Variants in LAMP2 observed in about 807,000 individuals in gnomAD.
The protein encoded by LAMP2 is lysosome associated membrane protein 2.
LAMP2 carries 4 observed loss-of-function variants against 25.6 expected under a neutral mutation model. The ratio of observed to expected loss-of-function variants is 0.16; its 90% CI spans 0.08 to 0.36. The LOEUF (loss-of-function observed/expected upper bound fraction) is 0.36, where lower values mean the gene tolerates loss of function less well. LAMP2 is among the 10% of genes least tolerant of loss of function. The pLI is 1.00. For missense variants in LAMP2, 272 were observed against 301.4 expected (o/e 0.90, Z 0.72); for synonymous variants, 108 against 112.7 (o/e 0.96, Z 0.27).
chrX:120,450,380 T>C (rs1182275508), intron 3 of LAMP2, among the ~76,000 whole-genome samples: 1 of 111,573 alleles, frequency 9.0e-6, no homozygotes, highest in African/African-American at 3.3e-5. Context: ...CACCCCCTAA[T>C]GGCCATAGGA....
chrX:120,462,530 A>AAAC (rs1255218743), intron 1 of LAMP2, among the ~76,000 whole-genome samples: 4 of 108,877 alleles, frequency 3.7e-5, no homozygotes, highest in African/African-American at 1.0e-4. Context: ...AAAAAAAAAA[A>AAAC]AAAAAACCTC....
intron 8 of LAMP2, among the ~76,000 whole-genome samples, chrX:120,440,119 C>T (rs1384680611): frequency 8.9e-6 from 1 of 112,243 alleles, no homozygotes; most frequent in Non-Finnish European, 1.9e-5. Context: ...TTTCGTGCTA[C>T]AATAGCAGGG....
At chrX:120,450,395 A>AAAAAC (rs1190068118) in intron 3 of LAMP2, among the ~76,000 whole-genome samples, 21 of 112,160 alleles carry the variant, frequency 1.9e-4, no homozygotes, top group African/African-American at 4.9e-4. Flanking sequence ...ATAGGAATTA[A>AAAAAC]AAAACAAAAC....
At chrX:120,437,340 T>C in intron 8 of LAMP2, 2 of 747,247 alleles carry the variant, frequency 2.7e-6, no homozygotes, top group Non-Finnish European at 3.2e-6. Context: ...TATTGATCCA[T>C]TCAATGTCAA....
intron 3 of LAMP2, among the ~76,000 whole-genome samples, chrX:120,454,586 C>A (rs191197779): frequency 2.8e-4 from 31 of 109,240 alleles, no homozygotes; most frequent in African/African-American, 9.7e-4. Context: ...GACACCCCCC[C>A]CAACCCCCGA....
At chrX:120,438,818 C>A (rs1287230025) in intron 8 of LAMP2, 1 of 830,948 alleles carries the variant, frequency 1.2e-6, no homozygotes. Context: ...ATCTCTTTTT[C>A]AAAAATTGTT....
intron 3 of LAMP2, among the ~76,000 whole-genome samples, chrX:120,449,755 C>T: frequency 8.9e-6 from 1 of 112,085 alleles, no homozygotes; most frequent in East Asian, 2.8e-4. Flanking sequence ...CGAGGGCTAG[C>T]CTCAGTTTTT....
intron 8 of LAMP2, among the ~76,000 whole-genome samples, chrX:120,441,165 T>C (rs1489896543): frequency 1.2e-5 from 1 of 81,373 alleles, no homozygotes; most frequent in African/African-American, 5.0e-5. Context: ...TATGAACACA[T>C]TATAATGAGC....
chrX:120,436,453 C>A (rs2058545093), intron 8 of LAMP2: 3 of 718,381 alleles, frequency 4.2e-6, no homozygotes, highest in Admixed American at 1.8e-4. Context: ...ATGTAGTATA[C>A]AAAATCTTGA....
At chrX:120,456,157 C>T (rs912971428) in intron 2 of LAMP2, among the ~76,000 whole-genome samples, 3 of 106,811 alleles carry the variant, frequency 2.8e-5, no homozygotes, top group Non-Finnish European at 5.8e-5. Flanking sequence ...CTCGGCCCAG[C>T]GAGTGGCTGG....
At position 120,426,882 on chromosome X, in the gene LAMP2, G is replaced by T. The variant is rs1259454725; in HGVS notation, c.*4441C>A. Among the ~76,000 whole-genome samples, 2 of 112,566 alleles carry T rather than the reference G, an allele frequency of 1.8e-5. No individual in the cohort carries two copies. The highest frequency in any genetic ancestry group is 6.5e-5 in the African/African-American group (2 of 30,999). On this transcript the variant is annotated 3_prime_UTR_variant, in exon 9 of 9. Transcript: ENST00000200639. ...TGTGAATCTGTATGTCAGAGCTATA[G>T]AGTTCTAGAGGAGTTGTAGTTGAGC... is the stretch of plus-strand genomic sequence containing the variant.
At chrX:120,456,804 G>A (rs759256232) in intron 1 of LAMP2, 35 bp from the exon 2 acceptor site, 2 of 793,990 alleles carry the variant, frequency 2.5e-6, no homozygotes, top group South Asian at 4.9e-5. Flanking sequence ...TTTTAAAATT[G>A]TACTACAAAA....
At chrX:120,457,118 C>T (rs1157599713) in intron 1 of LAMP2, among the ~76,000 whole-genome samples, 1 of 111,231 alleles carries the variant, frequency 9.0e-6, no homozygotes, top group Non-Finnish European at 1.9e-5. Context: ...TAATCATTTC[C>T]ACATGCATTT....
intron 7 of LAMP2, among the ~76,000 whole-genome samples, chrX:120,442,212 G>C (rs2058576073): frequency 1.1e-5 from 1 of 92,215 alleles, no homozygotes; most frequent in Non-Finnish European, 2.1e-5. Flanking sequence ...CCTGGGCATA[G>C]AGCGAGACCC....
chrX:120,436,870 A>C, intron 8 of LAMP2: 1 of 733,463 alleles, frequency 1.4e-6, no homozygotes, highest in Non-Finnish European at 1.6e-6. Flanking sequence ...ACTATGAATC[A>C]GGCATATAAT....
chrX:120,433,389 T>C (rs973412426), intron 8 of LAMP2, among the ~76,000 whole-genome samples: 1 of 110,976 alleles, frequency 9.0e-6, no homozygotes, highest in Non-Finnish European at 1.9e-5. Flanking sequence ...AAGGGGGACA[T>C]AGGGACAAGA....
intron 1 of LAMP2, among the ~76,000 whole-genome samples, chrX:120,463,165 G>A (rs1307483879): frequency 1.8e-5 from 2 of 111,677 alleles, no homozygotes; most frequent in Non-Finnish European, 3.8e-5. Context: ...ACAAGTTTAA[G>A]TCAGATTAAC....
chrX:120,447,206 G>T (rs916963682), intron 5 of LAMP2, among the ~76,000 whole-genome samples: 1 of 110,739 alleles, frequency 9.0e-6, no homozygotes, highest in African/African-American at 3.3e-5. Flanking sequence ...AGGAGTTCAA[G>T]ACCAGCCTGG....
At chrX:120,434,636 C>T (rs1044887122) in intron 8 of LAMP2, among the ~76,000 whole-genome samples, 1 of 111,563 alleles carries the variant, frequency 9.0e-6, no homozygotes, top group Admixed American at 9.6e-5. Flanking sequence ...AATTTAATAG[C>T]CACAGAAGCA....
Sources: allele counts gnomAD v4.1 joint callset (sites outside exome capture counted in the v4.1 genomes callset), GRCh38; gene constraint gnomAD v4.1.1; transcripts MANE v1.5; gene names NCBI Gene and HGNC (gene_info 2026-07-23, HGNC 2026-07-21).